Variants in ELMO1 observed in about 807,000 individuals in gnomAD.
ELMO1 encodes the protein engulfment and cell motility 1, also known as engulfment and cell motility protein 1.
ELMO1 carries 26 observed loss-of-function variants against 98.9 expected under a neutral mutation model. That is an observed-to-expected ratio of 0.26 (90% CI 0.19 to 0.36). The LOEUF (loss-of-function observed/expected upper bound fraction) is 0.36, where lower values mean the gene tolerates loss of function less well. Ranked by LOEUF, ELMO1 falls within the 10% of genes least tolerant of loss-of-function variation. The pLI, the probability that ELMO1 is intolerant of heterozygous loss-of-function variation, is 1.00. For missense variants in ELMO1, 627 were observed against 935.2 expected, an observed-to-expected ratio of 0.67 and a Z score of 4.30; for synonymous variants, 346 against 346.0, an observed-to-expected ratio of 1.00 and a Z score of 0.00.
intron 16 of ELMO1, among the ~76,000 whole-genome samples, chr7:36,991,218 C>T (rs1198060836): frequency 6.6e-6 from 1 of 152,194 alleles, no homozygotes; most frequent in African/African-American, 2.4e-5. Flanking sequence ...CTCTTCTCCA[C>T]CTACATCTCA....
intron 16 of ELMO1, among the ~76,000 whole-genome samples, chr7:36,977,423 A>G (rs1790650494): frequency 6.6e-6 from 1 of 152,212 alleles, no homozygotes; most frequent in African/African-American, 2.4e-5. Context: ...ATCACCACAC[A>G]CAGTGGATAG....
intron 15 of ELMO1, among the ~76,000 whole-genome samples, chr7:37,025,585 T>G (rs1794521254): frequency 6.6e-6 from 1 of 152,074 alleles, no homozygotes; most frequent in East Asian, 1.9e-4. Context: ...AACTTAGCCC[T>G]TTTTCTTGCC....
intron 1 of ELMO1, among the ~76,000 whole-genome samples, chr7:37,360,562 C>G (rs2131325262): frequency 6.6e-6 from 1 of 152,204 alleles, no homozygotes; most frequent in African/African-American, 2.4e-5. Flanking sequence ...AGAGAAAAAT[C>G]CAGAATCTGC....
chr7:37,269,040 T>G (rs549436579), intron 5 of ELMO1, among the ~76,000 whole-genome samples: 1 of 152,270 alleles, frequency 6.6e-6, no homozygotes, highest in African/African-American at 2.4e-5. Flanking sequence ...CGAAAGCTAG[T>G]ATAACACCAT....
At chr7:37,436,541 T>C (rs1159973264) in intron 1 of ELMO1, among the ~76,000 whole-genome samples, 1 of 152,256 alleles carries the variant, frequency 6.6e-6, no homozygotes, top group African/African-American at 2.4e-5. Context: ...CCCATACTTC[T>C]ATCCAGGGCA....
chr7:37,324,644 T>G (rs1799702518), intron 2 of ELMO1, among the ~76,000 whole-genome samples: 1 of 152,198 alleles, frequency 6.6e-6, no homozygotes, highest in African/African-American at 2.4e-5. Flanking sequence ...TGCAGTGTTA[T>G]GATCTTGACT....
intron 13 of ELMO1, among the ~76,000 whole-genome samples, chr7:37,189,515 G>A (rs1372627522): frequency 6.6e-6 from 1 of 152,176 alleles, no homozygotes; most frequent in African/African-American, 2.4e-5. Context: ...CAACCCAAGG[G>A]CAGAGATAAT....
intron 16 of ELMO1, among the ~76,000 whole-genome samples, chr7:36,995,545 G>T (rs1792147363): frequency 6.6e-6 from 1 of 151,722 alleles, no homozygotes; most frequent in East Asian, 1.9e-4. Flanking sequence ...TTAGTTTGTA[G>T]TTTTATTTAG....
chr7:37,113,721 T>TAAAG (rs779294792), intron 14 of ELMO1, among the ~76,000 whole-genome samples: 9 of 152,166 alleles, frequency 5.9e-5, no homozygotes, highest in Admixed American at 1.3e-4. Flanking sequence ...ATAGGGCCTT[T>TAAAG]AAAGAGGTAA....
At chr7:37,222,726 A>G in intron 9 of ELMO1, 33 bp from the exon 10 acceptor site, 3 of 1,603,166 alleles carry the variant, frequency 1.9e-6, no homozygotes, top group Non-Finnish European at 2.6e-6. Context: ...AGAAAATCAG[A>G]ACACGAAGTC....
intron 16 of ELMO1, among the ~76,000 whole-genome samples, chr7:36,932,965 G>A (rs1207798876): frequency 6.6e-6 from 1 of 152,206 alleles, no homozygotes; most frequent in Non-Finnish European, 1.5e-5. Flanking sequence ...TCCCAGGGCT[G>A]GTGCTGCAGC....
chr7:37,420,144 A>G (rs1019830749), intron 1 of ELMO1, among the ~76,000 whole-genome samples: 1 of 152,208 alleles, frequency 6.6e-6, no homozygotes, highest in African/African-American at 2.4e-5. Flanking sequence ...TTGTGCTCTC[A>G]GTACCAATAG....
rs35648316 is a variant in ELMO1 at position 36,965,748 on chromosome 7, G to GA, written c.1437+47550dup. Reference sequence around the variant, plus strand: ...TAAAGAAGTGGAAAGGTACAAATGGGAAAAAAAAACCCATTCCAAACACAT... The same window carrying GA: ...TAAAGAAGTGGAAAGGTACAAATGGGAAAAAAAAAACCCATTCCAAACACAT... On this transcript the variant is annotated intron_variant, in intron 16 of 21. Transcript: ENST00000310758. Among the ~76,000 whole-genome samples the GA allele has an allele frequency of 7.2e-3, 1,083 of 150,618 alleles. 19 individuals carry two copies. Among genetic ancestry groups the GA allele is most frequent in the African/African-American group, 0.025 (1,017 of 41,064 alleles).
chr7:37,274,965 A>G (rs188846856), intron 4 of ELMO1, among the ~76,000 whole-genome samples: 3 of 152,344 alleles, frequency 2.0e-5, no homozygotes, highest in African/African-American at 7.2e-5. Context: ...TTTGTTTCTC[A>G]TGCTTATGTA....
At chr7:36,934,343 GACA>G (rs1462635151) in intron 16 of ELMO1, among the ~76,000 whole-genome samples, 1 of 152,220 alleles carries the variant, frequency 6.6e-6, no homozygotes, top group African/African-American at 2.4e-5. Context: ...GGCAAGGGCT[GACA>G]ACATCTGCCT....
chr7:37,034,714 A>C (rs1795081588), intron 15 of ELMO1, among the ~76,000 whole-genome samples: 1 of 152,140 alleles, frequency 6.6e-6, no homozygotes, highest in Non-Finnish European at 1.5e-5. Context: ...GTTTGGGGGC[A>C]AGTAGACTGT....
rs1795723309 is a variant in ELMO1 at position 37,045,028 on chromosome 7, G to A, written c.1301-31593C>T. On this transcript the variant is annotated intron_variant, in intron 15 of 21. Coordinates refer to ENST00000310758, the MANE Select transcript of ELMO1 (RefSeq NM_014800.11). ...GTTAATATTACTACGCCGGTATGAA[G>A]CTATGAATGCTTTACTAGCATCGTC... is the stretch of plus-strand genomic sequence containing the variant. Among the ~76,000 whole-genome samples, 8 of 152,176 alleles carry A rather than the reference G, an allele frequency of 5.3e-5. No individual in the cohort carries two copies. In the South Asian group the frequency reaches 1.7e-3, roughly 31 times the overall value.
intron 16 of ELMO1, among the ~76,000 whole-genome samples, chr7:36,899,682 A>ATTTTTTTTTTT (rs1178774148): frequency 7.4e-4 from 4 of 5,396 alleles, no homozygotes; most frequent in Admixed American, 4.0e-3. Flanking sequence ...ATCTTTACTC[A>ATTTTTTTTTTT]TCTTTTTTTT....
At chr7:37,270,091 T>C (rs763033790) in intron 5 of ELMO1, 4 of 152,194 alleles carry the variant, frequency 2.6e-5, no homozygotes, top group Non-Finnish European at 5.9e-5. Context: ...AAGCAGATGA[T>C]GACTTTTAGC....
Sources: allele counts gnomAD v4.1 joint callset (sites outside exome capture counted in the v4.1 genomes callset), GRCh38; gene constraint gnomAD v4.1.1; transcripts MANE v1.5; gene names NCBI Gene and HGNC (gene_info 2026-07-23, HGNC 2026-07-21).